ZNF609: variants seen among roughly 807,000 people sequenced by gnomAD.
The protein encoded by ZNF609 is zinc finger protein 609.
Under a neutral mutation model 109.5 loss-of-function variants are expected in ZNF609, and 11 were observed. The observed-to-expected ratio is 0.10, with a 90% CI of 0.06 to 0.17. The LOEUF is 0.17. Among genes scored for constraint, ZNF609 ranks in the 10% least tolerant of loss-of-function variants. The pLI is 1.00. For synonymous variants in ZNF609, 646 were observed against 662.0 expected, an observed-to-expected ratio of 0.98 and a Z score of 0.37; for missense variants, 1,559 against 1,772.4, an observed-to-expected ratio of 0.88 and a Z score of 2.16.
At chr15:64,608,127 C>T (rs1454737749) in intron 2 of ZNF609, among the ~76,000 whole-genome samples, 1 of 151,486 alleles carries the variant, frequency 6.6e-6, no homozygotes, top group Non-Finnish European at 1.5e-5. Flanking sequence ...GAACTCCTGA[C>T]CTCAGGCAAT....
intron 2 of ZNF609, among the ~76,000 whole-genome samples, chr15:64,621,040 G>A (rs527540608): frequency 6.6e-6 from 1 of 152,314 alleles, no homozygotes; most frequent in South Asian, 2.1e-4. Context: ...GTCTATTAAA[G>A]GACCTAGACT....
At chr15:64,487,001 T>C (rs1893342994) in intron 1 of ZNF609, among the ~76,000 whole-genome samples, 1 of 152,252 alleles carries the variant, frequency 6.6e-6, no homozygotes, top group African/African-American at 2.4e-5. Context: ...GTTAGGTCGA[T>C]ATTCATTATT....
intron 2 of ZNF609, among the ~76,000 whole-genome samples, chr15:64,599,113 C>CT (rs1895449933): frequency 7.7e-6 from 1 of 130,362 alleles, no homozygotes; most frequent in African/African-American, 3.0e-5. Flanking sequence ...CCAGGCTTCT[C>CT]TTTCCTGTAG....
At chr15:64,627,745 GC>G (rs1199988234) in intron 3 of ZNF609, among the ~76,000 whole-genome samples, 2 of 130,648 alleles carry the variant, frequency 1.5e-5, no homozygotes, top group Admixed American at 2.0e-4. Context: ...ATCTCTCACT[GC>G]AGCCTCAAAC....
At chr15:64,490,315 C>T (rs1225051506) in intron 1 of ZNF609, among the ~76,000 whole-genome samples, 2 of 150,066 alleles carry the variant, frequency 1.3e-5, no homozygotes, top group Non-Finnish European at 3.0e-5. Flanking sequence ...CTCCCGTTGC[C>T]CAGGCTGGAG....
In ZNF609 at chr15:64,675,135, A is replaced by G. The variant is rs1240984132; in HGVS notation, c.2281A>G (p.Arg761Gly). Reference sequence around the variant, plus strand: ...AGCAGAGGAAGGCAAAAGCCCATTCAGGGAATCTTCAGGAGATGGGATGAA... The same window carrying G: ...AGCAGAGGAAGGCAAAAGCCCATTCGGGGAATCTTCAGGAGATGGGATGAA... ...CRAEEGKSPF[R>G]ESSGDGMKME... Residue 761 changes from arginine to glycine, a missense_variant, in exon 5 of 10, where the codon AGG becomes GGG. Around this residue, in one of 4 missense-constraint regions of ZNF609, gnomAD observed 1,204 missense variants for 1,314.1 expected, o/e 0.92. Coordinates refer to ENST00000326648, the MANE Select transcript of ZNF609 (RefSeq NM_015042.2). The G allele has an allele frequency of 5.6e-6, 9 of 1,613,994 alleles. No homozygotes were observed. In the Admixed American group the frequency reaches 1.5e-4, roughly 27 times the overall value.
chr15:64,515,111 G>A (rs1179536464), intron 2 of ZNF609, among the ~76,000 whole-genome samples: 1 of 152,182 alleles, frequency 6.6e-6, no homozygotes, highest in Non-Finnish European at 1.5e-5. Context: ...GGAAAAAGCA[G>A]TCGTTTTCAT....
intron 2 of ZNF609, among the ~76,000 whole-genome samples, chr15:64,591,066 G>A (rs1239263207): frequency 6.6e-6 from 1 of 152,120 alleles, no homozygotes; most frequent in Non-Finnish European, 1.5e-5. Flanking sequence ...GGGCATGCTC[G>A]TTTATGCATG....
At chr15:64,632,551 G>A (rs1896100903) in intron 3 of ZNF609, among the ~76,000 whole-genome samples, 1 of 151,606 alleles carries the variant, frequency 6.6e-6, no homozygotes, top group Non-Finnish European at 1.5e-5. Context: ...GTGCAATCTT[G>A]GCTCACTGCA....
intron 2 of ZNF609, among the ~76,000 whole-genome samples, chr15:64,513,668 A>G (rs1289076198): frequency 6.6e-6 from 1 of 152,220 alleles, no homozygotes; most frequent in East Asian, 1.9e-4. Flanking sequence ...AGGTCCCCAC[A>G]TAAGAGCTGA....
intron 2 of ZNF609, among the ~76,000 whole-genome samples, chr15:64,514,083 C>A (rs1893772924): frequency 6.8e-6 from 1 of 148,054 alleles, no homozygotes; most frequent in South Asian, 2.1e-4. Flanking sequence ...CAGAGCAAGA[C>A]CCTCAAAAAA....
chr15:64,587,606 C>T (rs2733385), intron 2 of ZNF609, among the ~76,000 whole-genome samples: 149,688 of 152,248 alleles, frequency 0.98, 73,629 homozygotes, highest in East Asian at 1. Context: ...ACTCAAAAAA[C>T]ATTTATGGAG....
Position 64,631,554 on chromosome 15 carries a change from C to T in ZNF609, c.973+8502C>T, listed in dbSNP as rs147603910. The T allele has an allele frequency of 1.5e-3, 831 of 538,856 alleles. 13 individuals are homozygous for T. The East Asian group carries it at 0.029, about 19-fold the overall frequency. The allele number at this position is 538,856 out of a possible 1,614,324, so 33.4% of individuals were successfully genotyped here. ...TTTCTTTTCTTTCTTTTTTTTTAGA[C>T]GGAGTTTCGCTCTTGTTGCCCAGGC... On this transcript the variant is annotated intron_variant, in intron 3 of 9. Coordinates refer to ENST00000326648, the MANE Select transcript of ZNF609 (RefSeq NM_015042.2).
chr15:64,625,189 G>A (rs888308735), intron 3 of ZNF609, among the ~76,000 whole-genome samples: 1 of 152,108 alleles, frequency 6.6e-6, no homozygotes, highest in Non-Finnish European at 1.5e-5. Flanking sequence ...CTGAGATCAG[G>A]CAGTCTGTTT....
intron 2 of ZNF609, among the ~76,000 whole-genome samples, chr15:64,616,320 T>A (rs1355727097): frequency 6.6e-6 from 1 of 151,900 alleles, no homozygotes; most frequent in East Asian, 1.9e-4. Context: ...CCTGTAAAGT[T>A]ATGTTGCAGC....
At chr15:64,650,501 C>T (rs1896401111) in intron 3 of ZNF609, among the ~76,000 whole-genome samples, 1 of 151,248 alleles carries the variant, frequency 6.6e-6, no homozygotes, top group South Asian at 2.1e-4. Flanking sequence ...TGACAGACAA[C>T]ATAAAATTTG....
intron 2 of ZNF609, among the ~76,000 whole-genome samples, chr15:64,518,041 CA>C (rs1050639514): frequency 6.6e-5 from 10 of 152,284 alleles, no homozygotes; most frequent in African/African-American, 2.2e-4. Context: ...CATGGCCTCC[CA>C]AAGTGCTGGG....
At chr15:64,525,366 C>T (rs1893955225) in intron 2 of ZNF609, among the ~76,000 whole-genome samples, 1 of 152,006 alleles carries the variant, frequency 6.6e-6, no homozygotes, top group African/African-American at 2.4e-5. Flanking sequence ...TTCTTGACAC[C>T]CTTGTTGAAA....
chr15:64,591,860 C>T (rs1895304776), intron 2 of ZNF609, among the ~76,000 whole-genome samples: 3 of 152,120 alleles, frequency 2.0e-5, no homozygotes, highest in African/African-American at 7.2e-5. Context: ...GACCGGCACA[C>T]ACCACCACGC....
Sources: allele counts gnomAD v4.1 joint callset (sites outside exome capture counted in the v4.1 genomes callset), GRCh38; gene constraint gnomAD v4.1.1; regional missense constraint gnomAD v4.1.1; transcripts MANE v1.5; gene names NCBI Gene and HGNC (gene_info 2026-07-23, HGNC 2026-07-21).